The following HIC1 variants were observed in gnomAD, a reference collection of about 807,000 sequenced individuals.
HIC1 encodes hypermethylated in cancer 1 protein.
A neutral mutation model predicts 26.4 loss-of-function variants in HIC1; 9 were observed. That is an observed-to-expected ratio of 0.34 (90% CI 0.21 to 0.59). The LOEUF is 0.59. Among genes scored for constraint, HIC1 ranks in the 20% least tolerant of loss-of-function variants. The pLI is 0.82. For missense variants in HIC1, 965 were observed against 1,075.7 expected, an observed-to-expected ratio of 0.90 and a Z score of 1.44; for synonymous variants, 631 against 523.1, an observed-to-expected ratio of 1.21 and a Z score of -2.81.
In HIC1 at chr17:2,057,775, C is replaced by T. The variant is rs2067687347; in HGVS notation, c.1085C>T (p.Pro362Leu). The T allele has an allele frequency of 6.7e-7, 1 of 1,499,902 alleles. No individual in the cohort carries two copies. The highest frequency in any genetic ancestry group is 1.5e-5 in the African/African-American group (1 of 68,902). The allele number at this position is 1,499,902 out of a possible 1,614,324, so 92.9% of individuals were successfully genotyped here. Reference sequence around the variant, plus strand: ...GGCCTGGCGCCGCCGCCGCGCTACCCTGGCAGCCTGGACGGGCCCGGCGCG... The same window carrying T: ...GGCCTGGCGCCGCCGCCGCGCTACCTTGGCAGCCTGGACGGGCCCGGCGCG... ...PLGLAPPPRY[P>L]GSLDGPGAGG... is the part of the protein sequence containing the mutation. Residue 362 changes from proline (P) to leucine (L), a missense_variant, in exon 2 of 2, where the codon CCT (proline) becomes CTT (leucine). By Grantham distance (98) the Pro-to-Leu change is moderately conservative. Transcript: ENST00000619757.
Position 2,056,653 on chromosome 17 carries a change from C to G in HIC1, c.-20-18C>G, listed in dbSNP as rs373421738. The G allele has an allele frequency of 4.4e-5, 67 of 1,524,264 alleles. No individual in the cohort carries two copies. In the East Asian group the frequency reaches 1.1e-3, roughly 24 times the overall value. The allele number at this position is 1,524,264 out of a possible 1,614,324, so 94.4% of individuals were successfully genotyped here. A position where few individuals can be genotyped will look rare whatever the true frequency, so the allele number is the denominator to read the frequency against. ...GGGCGCCGCACGGCTCTCACCCGGC[C>G]GGTGTGTGTCCCCGCAGGAGAGTGT... On this transcript the variant is annotated intron_variant, in intron 1 of 1. Transcript: ENST00000619757.
At position 2,062,041 on chromosome 17, in the gene HIC1, G is replaced by A. The variant is rs1484712991; in HGVS notation, c.*3206G>A. On this transcript the variant is annotated 3_prime_UTR_variant, in exon 2 of 2. Transcript: ENST00000619757. ...ACAAGTCCTCTCCCTCTAAAAGCCA[G>A]CAGGTTGAAGCTTTACGCATCCAGA... The A allele has an allele frequency of 3.2e-5, 5 of 158,418 alleles. No individual in the cohort carries two copies. The South Asian group carries it at 5.4e-4, about 17-fold the overall frequency. The allele number at this position is 158,418 out of a possible 1,614,324, so 9.8% of individuals were successfully genotyped here.
At position 2,061,462 on chromosome 17, in the gene HIC1, C is replaced by T. The variant is rs1311525493; in HGVS notation, c.*2627C>T. 3.4e-6 allele frequency: 5 copies of T among 1,457,890 alleles called. No homozygotes were observed. In the Admixed American group the frequency reaches 9.2e-5, roughly 27 times the overall value. 90.3% of individuals were successfully genotyped at this position (1,457,890 alleles called of 1,614,324 possible). A position where few individuals can be genotyped will look rare whatever the true frequency, so the allele number is the denominator to read the frequency against. ...GCCTGGTGGCCTTTCAGGAACGGTT[C>T]CACGGGGGGGGGGCCCCAGTGTGGC... On this transcript the variant is annotated 3_prime_UTR_variant, in exon 2 of 2. Coordinates refer to ENST00000619757, the MANE Select transcript of HIC1 (RefSeq NM_006497.4).
chr17:2,059,968 AG>A lies in HIC1; in HGVS notation c.*1135del, dbSNP rs2151372824. ...CTTCCAGCTGGGGAGAGAATCTTAA[AG>A]GAGAGGCCGGGGACCCTGTACTCCA... On this transcript the variant is annotated 3_prime_UTR_variant, in exon 2 of 2. Transcript: ENST00000619757. 1 of 152,502 alleles carries A rather than the reference AG, an allele frequency of 6.6e-6. No individual in the cohort carries two copies. The highest frequency in any genetic ancestry group is 2.1e-4 in the South Asian group (1 of 4,828). 9.4% of individuals were successfully genotyped at this position (152,502 alleles called of 1,614,324 possible).
rs1041469409 is a variant in HIC1 at position 2,063,112 on chromosome 17, CCCTGG to C, written c.*4278_*4282del. ...GTCTGTAGCAGCCCCACTATTCCTG[CCCTGG>C]GCCTCAAACCAGGAGCGTCCCAGGC... On this transcript the variant is annotated 3_prime_UTR_variant, in exon 2 of 2. Coordinates refer to ENST00000619757, the MANE Select transcript of HIC1 (RefSeq NM_006497.4). The C allele has an allele frequency of 6.6e-6, 1 of 152,170 alleles. No individual in the cohort carries two copies. The highest frequency in any genetic ancestry group is 6.5e-5 in the Admixed American group (1 of 15,288). 9.4% of individuals were successfully genotyped at this position (152,170 alleles called of 1,614,324 possible). A position where few individuals can be genotyped will look rare whatever the true frequency, so the allele number is the denominator to read the frequency against.
rs1380894511 is a variant in HIC1 at position 2,058,661 on chromosome 17, G to T, written c.1971G>T (p.Gln657His). The T allele has an allele frequency of 1.3e-6, 2 of 1,563,646 alleles. No individual in the cohort carries two copies. The highest frequency in any genetic ancestry group is 1.7e-6 in the Non-Finnish European group (2 of 1,160,762). ...CGGCCGCGGCCGAGCTGCTGGCGCA[G>T]ACCACGCACTTCCTGCACGACCCCA... ...DKAAAAELLA[Q>H]TTHFLHDPKV... Residue 657 changes from glutamine to histidine, a missense_variant, in exon 2 of 2, where the codon CAG becomes CAT. Around this residue, in one of 6 missense-constraint regions of HIC1, gnomAD observed 210 missense variants for 179.2 expected, o/e 1.17. Coordinates refer to ENST00000619757, the MANE Select transcript of HIC1 (RefSeq NM_006497.4).
In HIC1 at chr17:2,059,793, T is replaced by G. The variant is rs2151372381; in HGVS notation, c.*958T>G. 6.0e-6 allele frequency: 1 copy of G among 167,064 alleles called. No individual in the cohort carries two copies. The highest frequency in any genetic ancestry group is 1.9e-4 in the East Asian group (1 of 5,198). 10.3% of individuals were successfully genotyped at this position (167,064 alleles called of 1,614,324 possible). ...CCACCCTCACACAGGTGCAGAGGCT[T>G]GGACCTGCCTCCCTCCCCAGTCCCA... On this transcript the variant is annotated 3_prime_UTR_variant, in exon 2 of 2. Transcript: ENST00000619757.
rs1311711870 is a variant in HIC1, at chr17:2,061,387, G to T, written c.*2552G>T. On this transcript the variant is annotated 3_prime_UTR_variant, in exon 2 of 2. Transcript: ENST00000619757. ...GTTGGAAGAGGATGGTTTATTGTCT[G>T]GGTGGATTGGTGGCTCAGGCACGTG... 1.1e-5 allele frequency: 12 copies of T among 1,135,340 alleles called. No individual in the cohort carries two copies. Among genetic ancestry groups the T allele is most frequent in the Non-Finnish European group, 1.5e-5 (12 of 803,808 alleles). The allele number at this position is 1,135,340 out of a possible 1,614,324, so 70.3% of individuals were successfully genotyped here. A position where few individuals can be genotyped will look rare whatever the true frequency, so the allele number is the denominator to read the frequency against.
At position 2,059,020 on chromosome 17, in the gene HIC1, G is replaced by T. The variant is rs973880172; in HGVS notation, c.*185G>T. 7.6e-5 allele frequency: 40 copies of T among 523,724 alleles called. No homozygotes were observed. The highest frequency in any genetic ancestry group is 8.5e-5 in the Non-Finnish European group (26 of 304,174). The allele number at this position is 523,724 out of a possible 1,614,324, so 32.4% of individuals were successfully genotyped here. A position where few individuals can be genotyped will look rare whatever the true frequency, so the allele number is the denominator to read the frequency against. On this transcript the variant is annotated 3_prime_UTR_variant, in exon 2 of 2. Coordinates refer to ENST00000619757, the MANE Select transcript of HIC1 (RefSeq NM_006497.4). ...TCGTGCCTTAGCTCGGGGGTCGGGG[G>T]AGAACCCCGGGACGGGGGTGGGATG...
chr17:2,058,718 C>G lies in HIC1; in HGVS notation c.2028C>G (p.Ala676=), dbSNP rs746760567. The G allele has an allele frequency of 6.5e-7, 1 of 1,537,258 alleles. No homozygotes were observed. Reference sequence around the variant, plus strand: ...CGCTGGAGAGCCTCTACCCGCTGGCCAAGTTCACGGCCGAGCTGGGCCTCA... The same window carrying G: ...CGCTGGAGAGCCTCTACCCGCTGGCGAAGTTCACGGCCGAGCTGGGCCTCA... The part of the protein sequence containing the change: ...KVALESLYPL[A]KFTAELGLSP... The change falls in exon 2 of 2, where the codon GCC becomes GCG. Residue 676 remains alanine (A), a synonymous_variant. Coordinates refer to ENST00000619757, the MANE Select transcript of HIC1 (RefSeq NM_006497.4).
At position 2,058,504 on chromosome 17, in the gene HIC1, C is replaced by A; in HGVS notation, c.1814C>A (p.Ala605Glu). 1 of 1,477,418 alleles carries A rather than the reference C, an allele frequency of 6.8e-7. No individual in the cohort carries two copies. The highest frequency in any genetic ancestry group is 8.9e-7 in the Non-Finnish European group (1 of 1,122,936). The allele number at this position is 1,477,418 out of a possible 1,614,324, so 91.5% of individuals were successfully genotyped here. The change falls in exon 2 of 2, where the codon GCG (alanine) becomes GAG (glutamate). Residue 605 changes from alanine (A) to glutamate (E), a missense_variant. Physicochemically the swap from Ala to Glu is moderately radical, Grantham distance 107 (BLOSUM62 -1). This residue lies in a region of HIC1 where 210 missense variants were observed against 179.2 expected (regional missense o/e 1.17). Transcript: ENST00000619757. ...AVGGAAGAAG[A>E]LAGLGGLPGV... ...GGGGGCGCGGCCGGCGCGGCCGGGGCGCTGGCGGGCTTGGGGGGGCTCCCC... is the reference window on the plus strand; with the variant it reads ...GGGGGCGCGGCCGGCGCGGCCGGGGAGCTGGCGGGCTTGGGGGGGCTCCCC...
chr17:2,057,026 C>T lies in HIC1; in HGVS notation c.336C>T (p.Ala112=), dbSNP rs747750995. ...AGCCGAGCCTGGGCGCCGTGCTGGCCGCCGCCAGCTACCTGCAGATCCCCG... is the reference window on the plus strand; with the variant it reads ...AGCCGAGCCTGGGCGCCGTGCTGGCTGCCGCCAGCTACCTGCAGATCCCCG... ...GAEPSLGAVL[A]AASYLQIPDL... Residue 112 remains alanine (A), a synonymous_variant, in exon 2 of 2, where the codon GCC becomes GCT. Coordinates refer to ENST00000619757, the MANE Select transcript of HIC1 (RefSeq NM_006497.4). The T allele has an allele frequency of 5.8e-5, 86 of 1,487,764 alleles. No homozygotes were observed. Among genetic ancestry groups the T allele is most frequent in the Non-Finnish European group, 8.9e-6 (10 of 1,123,748 alleles). The allele number at this position is 1,487,764 out of a possible 1,614,324, so 92.2% of individuals were successfully genotyped here.
chr17:2,061,620 C>A lies in HIC1; in HGVS notation c.*2785C>A. 4 of 1,570,762 alleles carry A rather than the reference C, an allele frequency of 2.5e-6. No homozygotes were observed. Among genetic ancestry groups the A allele is most frequent in the Non-Finnish European group, 3.5e-6 (4 of 1,157,762 alleles). ...ACCTCCCGCAGTAGCCGGATTGGCT[C>A]CTCTGTGGGCATGAGAGAGCAGAAG... On this transcript the variant is annotated 3_prime_UTR_variant, in exon 2 of 2. Coordinates refer to ENST00000619757, the MANE Select transcript of HIC1 (RefSeq NM_006497.4).
In HIC1 at chr17:2,058,629, G is replaced by A. The variant is rs373603534; in HGVS notation, c.1939G>A (p.Asp647Asn). Reference protein sequence around the residue: ...TAEQLSLKQQDKAAAAELLAQ... With the variant: ...TAEQLSLKQQNKAAAAELLAQ... ...CGAGCAGCTGAGCCTGAAGCAGCAG[G>A]ACAAGGCGGCCGCGGCCGAGCTGCT... Residue 647 changes from aspartate (D) to asparagine (N), a missense_variant, in exon 2 of 2, where the codon GAC becomes AAC. Transcript: ENST00000619757. 29 of 1,565,174 alleles carry A rather than the reference G, an allele frequency of 1.9e-5. No homozygotes were observed. Among genetic ancestry groups the A allele is most frequent in the South Asian group, 2.3e-5 (2 of 85,412 alleles).
rs1053196992 is a variant in HIC1, at chr17:2,059,537, C to G, written c.*702C>G. 4 of 167,214 alleles carry G rather than the reference C, an allele frequency of 2.4e-5. No homozygotes were observed. The highest frequency in any genetic ancestry group is 7.2e-5 in the African/African-American group (3 of 41,474). 10.4% of individuals were successfully genotyped at this position (167,214 alleles called of 1,614,324 possible). ...TATTGCATGCGCCCCGGCGGCCCCCCATCCCGAGCCCAGGCTGGGCTGGGC... is the reference window on the plus strand; with the variant it reads ...TATTGCATGCGCCCCGGCGGCCCCCGATCCCGAGCCCAGGCTGGGCTGGGC... On this transcript the variant is annotated 3_prime_UTR_variant, in exon 2 of 2. Transcript: ENST00000619757.
chr17:2,055,401 G>A lies in HIC1; in HGVS notation c.-21+163G>A, dbSNP rs1397634543. 1.3e-5 allele frequency among the ~76,000 whole-genome samples: 2 copies of A among 152,042 alleles called. No homozygotes were observed. Among genetic ancestry groups the A allele is most frequent in the African/African-American group, 2.4e-5 (1 of 41,418 alleles). ...CGTCCCTTTCGGACTCAGGACCACC[G>A]GGCCGCGGCTCCGCGCCGGGTTCAC... On this transcript the variant is annotated intron_variant, in intron 1 of 1. Transcript: ENST00000619757. The surrounding 1 kb of genome is among the most constrained non-coding windows in gnomAD (Gnocchi z 6.4).
chr17:2,061,244 G>A lies in HIC1; in HGVS notation c.*2409G>A, dbSNP rs2067765552. 2.3e-6 allele frequency: 1 copy of A among 442,700 alleles called. No individual in the cohort carries two copies. Among genetic ancestry groups the A allele is most frequent in the South Asian group, 2.6e-5 (1 of 39,104 alleles). 27.4% of individuals were successfully genotyped at this position (442,700 alleles called of 1,614,324 possible). A position where few individuals can be genotyped will look rare whatever the true frequency, so the allele number is the denominator to read the frequency against. On this transcript the variant is annotated 3_prime_UTR_variant, in exon 2 of 2. Coordinates refer to ENST00000619757, the MANE Select transcript of HIC1 (RefSeq NM_006497.4). ...TCTGGCTTGCCCAGCTGCTGTTGCT[G>A]TAGCCAGCCACCTCCCTGCTAAATC...
rs908833318 is a variant in HIC1 at position 2,061,339 on chromosome 17, C to A, written c.*2504C>A. The A allele has an allele frequency of 4.0e-6, 3 of 745,410 alleles. No homozygotes were observed. The highest frequency in any genetic ancestry group is 1.8e-5 in the South Asian group (1 of 55,016). The allele number at this position is 745,410 out of a possible 1,614,324, so 46.2% of individuals were successfully genotyped here. Reference sequence around the variant, plus strand: ...GAGGGGCTCTGTGAGGAGCAGGTCCCCCACAGCATGGCCGTGGCGTGGGTT... The same window carrying A: ...GAGGGGCTCTGTGAGGAGCAGGTCCACCACAGCATGGCCGTGGCGTGGGTT... On this transcript the variant is annotated 3_prime_UTR_variant, in exon 2 of 2. Coordinates refer to ENST00000619757, the MANE Select transcript of HIC1 (RefSeq NM_006497.4).
Position 2,057,726 on chromosome 17 carries a change from G to A in HIC1, c.1036G>A (p.Val346Ile), listed in dbSNP as rs1415091611. The A allele has an allele frequency of 1.4e-6, 2 of 1,422,142 alleles. No individual in the cohort carries two copies. The highest frequency in any genetic ancestry group is 1.8e-6 in the Non-Finnish European group (2 of 1,093,094). The allele number at this position is 1,422,142 out of a possible 1,614,324, so 88.1% of individuals were successfully genotyped here. The stretch of plus-strand genomic sequence containing the variant: ...CGAAGAGCGTGGTGGGGACGCGGCC[G>A]TCTCGCCCGGGGGGCCCCCGCTCGG... Reference protein sequence around the residue: ...RCEERGGDAAVSPGGPPLGLA... With the variant: ...RCEERGGDAAISPGGPPLGLA... Residue 346 changes from valine to isoleucine, a missense_variant, in exon 2 of 2, where the codon GTC becomes ATC. Physicochemically the swap from Val to Ile is conservative, Grantham distance 29 (BLOSUM62 3). Around this residue, in one of 6 missense-constraint regions of HIC1, gnomAD observed 526 missense variants for 525.0 expected, o/e 1.00. Transcript: ENST00000619757.
Sources: gnomAD v4.1 joint callset for allele counts (sites outside exome capture counted in the v4.1 genomes callset) on GRCh38, gnomAD v4.1.1 for gene constraint, gnomAD v4.1.1 regional missense constraint, Gnocchi (gnomAD v3.1) non-coding constraint, MANE v1.5 for transcripts, NCBI Gene and HGNC (gene_info 2026-07-23, HGNC 2026-07-21) for gene names.